Variants in GPHN observed in about 807,000 individuals in gnomAD.
The protein encoded by GPHN is gephyrin.
Under a neutral mutation model 95.5 loss-of-function variants are expected in GPHN, and 17 were observed. That is an observed-to-expected ratio of 0.18 (90% CI 0.12 to 0.27). GPHN has a LOEUF of 0.27. GPHN is among the 10% of genes least tolerant of loss of function. The pLI is 1.00. For synonymous variants in GPHN, 320 were observed against 322.5 expected (o/e 0.99, Z 0.08); for missense variants, 660 against 978.1 (o/e 0.67, Z 4.34).
At chr14:66,974,109 G>C (rs1186143048) in intron 9 of GPHN, among the ~76,000 whole-genome samples, 1 of 151,922 alleles carries the variant, frequency 6.6e-6, no homozygotes, top group Non-Finnish European at 1.5e-5. Flanking sequence ...GTTTGTTTGG[G>C]GATTTATTCT....
chr14:67,155,298 A>G (rs1028911942), intron 18 of GPHN, among the ~76,000 whole-genome samples: 11 of 152,352 alleles, frequency 7.2e-5, no homozygotes, highest in Admixed American at 3.9e-4. Context: ...CTTAACTGCC[A>G]GAAGACCTCA....
At chr14:66,509,025 C>G in intron 1 of GPHN, 1 of 236,828 alleles carries the variant, frequency 4.2e-6, no homozygotes, top group Non-Finnish European at 8.3e-6. Flanking sequence ...CCCTTCCTCT[C>G]CTTCCCTTCC....
chr14:67,115,404 C>T (rs961281316), intron 16 of GPHN, among the ~76,000 whole-genome samples: 1 of 152,150 alleles, frequency 6.6e-6, no homozygotes, highest in Non-Finnish European at 1.5e-5. Context: ...ACAGTACAAA[C>T]TTTCCTTAAG....
At chr14:67,476,296 T>G in the GPHN span, among the ~76,000 whole-genome samples, 20 of 152,104 alleles carry the variant, frequency 1.3e-4, no homozygotes, top group African/African-American at 4.3e-4. Flanking sequence ...CTTACATAAT[T>G]AAAATTCAGG....
the GPHN span, among the ~76,000 whole-genome samples, chr14:67,230,024 A>G: frequency 2.6e-5 from 4 of 152,238 alleles, no homozygotes; most frequent in Non-Finnish European, 5.9e-5. Context: ...TTTTTAAGTT[A>G]GGTATATACG....
intron 2 of GPHN, among the ~76,000 whole-genome samples, chr14:66,751,555 A>G (rs1489787748): frequency 6.6e-6 from 1 of 151,854 alleles, no homozygotes; most frequent in African/African-American, 2.4e-5. Context: ...TTTTTCTTTT[A>G]AATTTGTTTA....
chr14:67,257,633 A>C, the GPHN span, among the ~76,000 whole-genome samples: 1 of 152,210 alleles, frequency 6.6e-6, no homozygotes, highest in Non-Finnish European at 1.5e-5. Flanking sequence ...GTATACATAG[A>C]ACATACACAC....
the GPHN span, among the ~76,000 whole-genome samples, chr14:67,654,793 G>A: frequency 6.6e-6 from 1 of 152,126 alleles, no homozygotes; most frequent in East Asian, 1.9e-4. Context: ...ACTTTGGGAG[G>A]CTGAGGCGGG....
At chr14:67,355,709 C>T in the GPHN span, among the ~76,000 whole-genome samples, 1 of 151,732 alleles carries the variant, frequency 6.6e-6, no homozygotes, top group Non-Finnish European at 1.5e-5. Context: ...AGGAAGAATG[C>T]TCTAAATAAG....
At chr14:67,251,488 G>C in the GPHN span, among the ~76,000 whole-genome samples, 5 of 152,028 alleles carry the variant, frequency 3.3e-5, no homozygotes, top group Non-Finnish European at 7.4e-5. Context: ...AACCATGATG[G>C]CACCATTGCA....
intron 9 of GPHN, among the ~76,000 whole-genome samples, chr14:67,009,598 T>C (rs2072843037): frequency 6.6e-6 from 1 of 152,072 alleles, no homozygotes; most frequent in African/African-American, 2.4e-5. Context: ...TAGATGTGTA[T>C]GCAGGGGAAG....
At chr14:67,461,580 C>G in the GPHN span, among the ~76,000 whole-genome samples, 2 of 152,048 alleles carry the variant, frequency 1.3e-5, no homozygotes, top group African/African-American at 4.8e-5. Context: ...ACAAAGTCAG[C>G]TGTCATCTCA....
At chr14:67,701,469 G>A in the GPHN span, among the ~76,000 whole-genome samples, 17 of 132,924 alleles carry the variant, frequency 1.3e-4, no homozygotes, top group South Asian at 3.3e-3. Context: ...TGTTGCCCAG[G>A]CTGGAGTACA....
At chr14:66,660,224 A>ATTTCTTG (rs2065562439) in intron 1 of GPHN, among the ~76,000 whole-genome samples, 1 of 152,116 alleles carries the variant, frequency 6.6e-6, no homozygotes, top group African/African-American at 2.4e-5. Context: ...GTACGTACAT[A>ATTTCTTG]TAGACTCACA....
At chr14:66,994,040 G>A (rs2071608687) in intron 9 of GPHN, among the ~76,000 whole-genome samples, 1 of 151,976 alleles carries the variant, frequency 6.6e-6, no homozygotes, top group Admixed American at 6.6e-5. Flanking sequence ...TCTTAATGTA[G>A]TTAGTCCAAT....
intron 17 of GPHN, among the ~76,000 whole-genome samples, chr14:67,130,741 T>C (rs2079647923): frequency 6.6e-6 from 1 of 152,182 alleles, no homozygotes; most frequent in South Asian, 2.1e-4. Context: ...AATGTTCTCT[T>C]TTCTCTGCAG....
chr14:67,500,718 C>T, the GPHN span, among the ~76,000 whole-genome samples: 1 of 151,356 alleles, frequency 6.6e-6, no homozygotes, highest in East Asian at 2.0e-4. Flanking sequence ...ACTACAGGCG[C>T]CCGCCACCAC....
chr14:66,884,050 G>A (rs1392123039), intron 5 of GPHN, among the ~76,000 whole-genome samples: 1 of 152,014 alleles, frequency 6.6e-6, no homozygotes, highest in Admixed American at 6.6e-5. Flanking sequence ...CAATTATGTA[G>A]TTGTACACAA....
At chr14:67,032,939 A>C (rs146689248) in intron 10 of GPHN, among the ~76,000 whole-genome samples, 14 of 152,200 alleles carry the variant, frequency 9.2e-5, no homozygotes, top group Non-Finnish European at 2.1e-4. Context: ...AGAAACAGAG[A>C]TTTATGATTA....
Sources: allele counts gnomAD v4.1 joint callset (sites outside exome capture counted in the v4.1 genomes callset), GRCh38; gene constraint gnomAD v4.1.1; transcripts MANE v1.5; gene names NCBI Gene and HGNC (gene_info 2026-07-23, HGNC 2026-07-21).